Variants in FABP12 observed in about 807,000 individuals in gnomAD.
The protein encoded by FABP12 is fatty acid binding protein 12, also known as fatty acid-binding protein 12.
A neutral mutation model predicts 13.7 loss-of-function variants in FABP12; 19 were observed. That is an observed-to-expected ratio of 1.39 (90% CI 0.97 to 2.04). FABP12 has a LOEUF of 2.04. FABP12 is among the 30% of genes most tolerant of loss of function. The pLI is 0.00. For synonymous variants in FABP12, 61 were observed against 57.0 expected (o/e 1.07, Z -0.32); for missense variants, 182 against 164.2 (o/e 1.11, Z -0.59).
intron 1 of FABP12, among the ~76,000 whole-genome samples, chr8:81,582,367 C>T (rs192634314): frequency 1.3e-4 from 20 of 151,934 alleles, no homozygotes; most frequent in East Asian, 3.9e-4. Flanking sequence ...GTGATCCTCC[C>T]GCGTTGGCCT....
At chr8:81,584,302 G>C (rs916413296) in intron 1 of FABP12, among the ~76,000 whole-genome samples, 2 of 152,196 alleles carry the variant, frequency 1.3e-5, no homozygotes, top group Non-Finnish European at 2.9e-5. Flanking sequence ...TGTGGTGATT[G>C]CAAGTCCAGG....
upstream of FABP12, among the ~76,000 whole-genome samples, chr8:81,536,553 A>C (rs1809227112): frequency 6.6e-6 from 1 of 152,208 alleles, no homozygotes; most frequent in Non-Finnish European, 1.5e-5. Flanking sequence ...AATTCAATAA[A>C]CACTTGAGTG....
At chr8:81,570,909 C>T (rs1393033987) in intron 1 of FABP12, among the ~76,000 whole-genome samples, 3 of 152,116 alleles carry the variant, frequency 2.0e-5, no homozygotes, top group African/African-American at 7.2e-5. Context: ...GCCTTCAGGC[C>T]CTCCCTGGCC....
At chr8:81,553,847 T>C (rs1265227019) in intron 1 of FABP12, among the ~76,000 whole-genome samples, 1 of 152,228 alleles carries the variant, frequency 6.6e-6, no homozygotes, top group East Asian at 1.9e-4. Flanking sequence ...CTGGGGCTGA[T>C]GTTCTGGATG....
At chr8:81,526,964 G>T in intron 4 of FABP12, 56 bp downstream of exon 4, 1 of 998,546 alleles carries the variant, frequency 1.0e-6, no homozygotes, top group Non-Finnish European at 1.5e-6. Flanking sequence ...AACAAGTTGT[G>T]ATTTTATATT....
chr8:81,537,422 T>A (rs146536871), upstream of FABP12, among the ~76,000 whole-genome samples: 1 of 152,272 alleles, frequency 6.6e-6, no homozygotes, highest in East Asian at 1.9e-4. Flanking sequence ...TTTTTTTTTA[T>A]CACCTTAGCA....
At chr8:81,541,442 A>G (rs1444184838) in intron 1 of FABP12, among the ~76,000 whole-genome samples, 1 of 152,014 alleles carries the variant, frequency 6.6e-6, no homozygotes, top group African/African-American at 2.4e-5. Flanking sequence ...ATCAGTTTCG[A>G]TTATTGAGCA....
chr8:81,569,656 T>A (rs1206026055), intron 1 of FABP12, among the ~76,000 whole-genome samples: 3 of 152,214 alleles, frequency 2.0e-5, no homozygotes, highest in Admixed American at 6.5e-5. Context: ...AGTAAGCAGT[T>A]TTAAACTATG....
chr8:81,576,886 G>T (rs1186156900), intron 1 of FABP12, among the ~76,000 whole-genome samples: 3 of 152,098 alleles, frequency 2.0e-5, no homozygotes, highest in Non-Finnish European at 4.4e-5. Context: ...GAGAATTTTA[G>T]ACTCACACTA....
At chr8:81,556,927 C>A (rs905446792) in intron 1 of FABP12, among the ~76,000 whole-genome samples, 1 of 144,736 alleles carries the variant, frequency 6.9e-6, no homozygotes, top group Non-Finnish European at 1.5e-5. Flanking sequence ...CTCTGTCACC[C>A]AGGATGGAGT....
intron 1 of FABP12, among the ~76,000 whole-genome samples, chr8:81,549,583 C>T (rs1422393993): frequency 6.6e-6 from 1 of 152,144 alleles, no homozygotes. Flanking sequence ...TAAAAGTTCA[C>T]TGAACTGTGA....
chr8:81,587,184 T>C (rs114790933), intron 1 of FABP12, among the ~76,000 whole-genome samples: 2,448 of 152,330 alleles, frequency 0.016, 61 homozygotes, highest in African/African-American at 0.055. Flanking sequence ...CATGCTTTTT[T>C]AGTAACTGTA....
At chr8:81,587,091 T>A (rs947237983) in intron 1 of FABP12, among the ~76,000 whole-genome samples, 2 of 152,166 alleles carry the variant, frequency 1.3e-5, no homozygotes, top group African/African-American at 4.8e-5. Context: ...TTATTGAAGA[T>A]CAGATGGTTG....
chr8:81,543,187 T>G (rs1809380057), intron 1 of FABP12, among the ~76,000 whole-genome samples: 1 of 152,240 alleles, frequency 6.6e-6, no homozygotes, highest in Admixed American at 6.5e-5. Flanking sequence ...TTTGTGATCA[T>G]ACATGTACTT....
intron 1 of FABP12, among the ~76,000 whole-genome samples, chr8:81,574,087 G>C (rs1000891866): frequency 6.6e-6 from 1 of 152,088 alleles, no homozygotes; most frequent in Non-Finnish European, 1.5e-5. Flanking sequence ...TTGGCTGTGG[G>C]TTTGTCATAG....
At chr8:81,558,426 C>A (rs7818152) in intron 1 of FABP12, among the ~76,000 whole-genome samples, 3 of 152,154 alleles carry the variant, frequency 2.0e-5, no homozygotes, top group South Asian at 4.2e-4. Flanking sequence ...TCGCAGGAGC[C>A]CCCTCCTCCA....
intron 1 of FABP12, among the ~76,000 whole-genome samples, chr8:81,570,276 T>C (rs1452824988): frequency 2.0e-5 from 3 of 152,196 alleles, no homozygotes; most frequent in Admixed American, 6.5e-5. Flanking sequence ...TCTCCTTCTC[T>C]TTGCTCACAA....
chr8:81,586,767 T>C (rs1226331645), intron 1 of FABP12, among the ~76,000 whole-genome samples: 1 of 152,218 alleles, frequency 6.6e-6, no homozygotes, highest in East Asian at 1.9e-4. Context: ...TGTTGATAGT[T>C]TCTTTTGATG....
At chr8:81,577,390 TTAGA>T (rs1242809224) in intron 1 of FABP12, among the ~76,000 whole-genome samples, 6 of 152,368 alleles carry the variant, frequency 3.9e-5, no homozygotes, top group African/African-American at 1.2e-4. Flanking sequence ...ACTAAATGTA[TTAGA>T]TAAAGAATAT....
Sources: allele counts gnomAD v4.1 joint callset (sites outside exome capture counted in the v4.1 genomes callset), GRCh38; gene constraint gnomAD v4.1.1; transcripts MANE v1.5; gene names NCBI Gene and HGNC (gene_info 2026-07-23, HGNC 2026-07-21).